The following GALNTL6 variants were observed in gnomAD, a reference collection of about 807,000 sequenced individuals.
The protein encoded by GALNTL6 is polypeptide N-acetylgalactosaminyltransferase-like 6.
Under a neutral mutation model 73.7 loss-of-function variants are expected in GALNTL6, and 46 were observed. That is an observed-to-expected ratio of 0.62 (90% CI 0.49 to 0.80). The LOEUF (loss-of-function observed/expected upper bound fraction) is 0.80, where lower values mean the gene tolerates loss of function less well. GALNTL6 is among the 30% of genes least tolerant of loss of function. The pLI, the probability that GALNTL6 is intolerant of heterozygous loss-of-function variation, is 0.00. For missense variants in GALNTL6, 604 were observed against 755.0 expected, an observed-to-expected ratio of 0.80 and a Z score of 2.34; for synonymous variants, 259 against 263.7, an observed-to-expected ratio of 0.98 and a Z score of 0.17.
chr4:171,903,747 T>A (rs1326472428), intron 2 of GALNTL6, among the ~76,000 whole-genome samples: 2 of 152,134 alleles, frequency 1.3e-5, no homozygotes, highest in African/African-American at 2.4e-5. Flanking sequence ...TGTCCCCGTC[T>A]GACAGCTTTG....
At chr4:172,336,273 T>TG (rs1741316034) in intron 4 of GALNTL6, among the ~76,000 whole-genome samples, 1 of 132,224 alleles carries the variant, frequency 7.6e-6, no homozygotes, top group Non-Finnish European at 1.6e-5. Flanking sequence ...TAGTTTTGTT[T>TG]TGTTTTTTTT....
At chr4:171,921,120 G>A (rs1737773369) in intron 2 of GALNTL6, among the ~76,000 whole-genome samples, 2 of 151,910 alleles carry the variant, frequency 1.3e-5, no homozygotes, top group African/African-American at 4.8e-5. Flanking sequence ...AGGCTTTCAT[G>A]TCTATTTTTT....
chr4:171,851,881 T>A (rs1466504573), intron 2 of GALNTL6, among the ~76,000 whole-genome samples: 1 of 152,228 alleles, frequency 6.6e-6, no homozygotes, highest in East Asian at 1.9e-4. Context: ...AAGTTAAAGA[T>A]TTAGAATATA....
chr4:172,963,159 G>A (rs1050298072), intron 10 of GALNTL6, among the ~76,000 whole-genome samples: 37 of 152,154 alleles, frequency 2.4e-4, no homozygotes, highest in Non-Finnish European at 2.4e-4. Context: ...GGCCAGGTCA[G>A]TCTGACCTCA....
At chr4:172,531,471 C>T (rs940862235) in intron 5 of GALNTL6, among the ~76,000 whole-genome samples, 3 of 152,300 alleles carry the variant, frequency 2.0e-5, no homozygotes, top group African/African-American at 7.2e-5. Flanking sequence ...GTCCCCTGAC[C>T]GCGTTTCCTT....
intron 2 of GALNTL6, among the ~76,000 whole-genome samples, chr4:171,936,636 T>C (rs1331848540): frequency 6.6e-6 from 1 of 152,266 alleles, no homozygotes; most frequent in African/African-American, 2.4e-5. Flanking sequence ...AGGGCTATTA[T>C]AATCTAAACT....
At chr4:172,611,271 G>T (rs549747195) in intron 5 of GALNTL6, among the ~76,000 whole-genome samples, 2 of 152,150 alleles carry the variant, frequency 1.3e-5, no homozygotes, top group South Asian at 4.1e-4. Context: ...GTGCTTTATA[G>T]TATCAGTGGT....
chr4:172,119,534 G>GA (rs1017377531), intron 2 of GALNTL6, among the ~76,000 whole-genome samples: 1 of 152,086 alleles, frequency 6.6e-6, no homozygotes, highest in African/African-American at 2.4e-5. Context: ...ATAACATTCT[G>GA]AAAAAAATCA....
At chr4:172,767,399 A>T (rs1433750699) in intron 5 of GALNTL6, among the ~76,000 whole-genome samples, 2 of 152,168 alleles carry the variant, frequency 1.3e-5, no homozygotes, top group Non-Finnish European at 2.9e-5. Flanking sequence ...TGCCCACAAC[A>T]TTCAGAACTT....
At chr4:172,385,906 T>TAC (rs201908612) in intron 5 of GALNTL6, among the ~76,000 whole-genome samples, 1,647 of 151,536 alleles carry the variant, frequency 0.011, 24 homozygotes, top group African/African-American at 0.037. Context: ...TTATTGTTTA[T>TAC]ACACACACAC....
At chr4:171,895,244 T>C (rs1736874340) in intron 2 of GALNTL6, among the ~76,000 whole-genome samples, 1 of 152,154 alleles carries the variant, frequency 6.6e-6, no homozygotes, top group African/African-American at 2.4e-5. Flanking sequence ...AGAGGAGTTA[T>C]ATTTGCGTTC....
intron 3 of GALNTL6, among the ~76,000 whole-genome samples, chr4:172,231,783 G>A (rs1200924504): frequency 6.6e-6 from 1 of 151,976 alleles, no homozygotes; most frequent in Non-Finnish European, 1.5e-5. Context: ...ACATGAATTG[G>A]TATGCCTATC....
At chr4:172,343,751 A>T (rs1741648885) in intron 4 of GALNTL6, among the ~76,000 whole-genome samples, 1 of 152,166 alleles carries the variant, frequency 6.6e-6, no homozygotes, top group Non-Finnish European at 1.5e-5. Context: ...CATTACTGTG[A>T]AAGACTTAGC....
chr4:171,881,598 T>C (rs1053306520), intron 2 of GALNTL6, among the ~76,000 whole-genome samples: 1 of 152,218 alleles, frequency 6.6e-6, no homozygotes, highest in Non-Finnish European at 1.5e-5. Flanking sequence ...GGATCAATAC[T>C]TTGTATCTTT....
At chr4:172,019,481 T>G (rs1231843851) in intron 2 of GALNTL6, among the ~76,000 whole-genome samples, 1 of 152,066 alleles carries the variant, frequency 6.6e-6, no homozygotes, top group Non-Finnish European at 1.5e-5. Flanking sequence ...AAAAGATATT[T>G]CATGCTAAAA....
chr4:172,611,018 G>A (rs577805190), intron 5 of GALNTL6, among the ~76,000 whole-genome samples: 1 of 151,934 alleles, frequency 6.6e-6, no homozygotes, highest in Non-Finnish European at 1.5e-5. Context: ...GCTTCTTTCT[G>A]TTTTTCATTT....
chr4:172,968,421 C>A (rs759846714), intron 10 of GALNTL6, among the ~76,000 whole-genome samples: 1 of 152,130 alleles, frequency 6.6e-6, no homozygotes, highest in Non-Finnish European at 1.5e-5. Context: ...GTAATGTAAA[C>A]CATGCTAACG....
At chr4:172,401,780 C>T (rs574982455) in intron 5 of GALNTL6, among the ~76,000 whole-genome samples, 1 of 151,974 alleles carries the variant, frequency 6.6e-6, no homozygotes, top group East Asian at 1.9e-4. Context: ...GCAAACCCAC[C>T]GAAATTACAA....
At chr4:172,748,215 G>A (rs1737223034) in intron 5 of GALNTL6, among the ~76,000 whole-genome samples, 1 of 152,138 alleles carries the variant, frequency 6.6e-6, no homozygotes, top group Non-Finnish European at 1.5e-5. Flanking sequence ...AGGGATGAGG[G>A]TGGACGGAGC....
Sources: allele counts gnomAD v4.1 joint callset (sites outside exome capture counted in the v4.1 genomes callset), GRCh38; gene constraint gnomAD v4.1.1; transcripts MANE v1.5; gene names NCBI Gene and HGNC (gene_info 2026-07-23, HGNC 2026-07-21).